ZNF565: variants seen among roughly 807,000 people sequenced by gnomAD.
The protein encoded by ZNF565 is zinc finger protein 565.
In ZNF565, 27 loss-of-function variants were observed where a neutral mutation model predicts 39.4. The ratio of observed to expected loss-of-function variants is 0.69; its 90% CI spans 0.51 to 0.95. The LOEUF is 0.95. ZNF565 is among the 40% of genes least tolerant of loss of function. The probability of loss-of-function intolerance (pLI) is 0.00; values close to 1 mark genes in which losing one functional copy is unlikely to be tolerated. For missense variants in ZNF565, 524 were observed against 621.1 expected, an observed-to-expected ratio of 0.84 and a Z score of 1.66; for synonymous variants, 185 against 216.6, an observed-to-expected ratio of 0.85 and a Z score of 1.28.
At chr19:36,193,441 CTTTT>C (rs918390781) in intron 4 of ZNF565, among the ~76,000 whole-genome samples, 2 of 131,838 alleles carry the variant, frequency 1.5e-5, no homozygotes, top group African/African-American at 2.8e-5. Context: ...TTTCTTTTTT[CTTTT>C]TTTTTTTTTT....
chr19:36,217,826 A>G (rs1289942450), upstream of ZNF565, among the ~76,000 whole-genome samples: 1 of 151,876 alleles, frequency 6.6e-6, no homozygotes, highest in African/African-American at 2.4e-5. Context: ...CGGAGGTTGC[A>G]GTGAACAGAG....
intron 1 of ZNF565, among the ~76,000 whole-genome samples, chr19:36,207,356 C>T (rs1976192380): frequency 6.6e-6 from 1 of 152,012 alleles, no homozygotes; most frequent in African/African-American, 2.4e-5. Flanking sequence ...CCAGCCTGGT[C>T]AACAGAAGCC....
In ZNF565 at chr19:36,183,151, G is replaced by C; in HGVS notation, c.815C>G (p.Thr272Ser). ...QHSQLILHQR[T>S]HTGEKPYVCK... The stretch of plus-strand genomic sequence containing the variant: ...TACGTAGGGTTTCTCGCCTGTGTGA[G>C]TTCTTTGATGCAGAATCAGCTGTGA... The change falls in exon 5 of 5, where the codon ACT (threonine) becomes AGT (serine). Residue 272 changes from threonine to serine, a missense_variant. Thr to Ser is a moderately conservative substitution (Grantham distance 58). Coordinates refer to ENST00000304116, the MANE Select transcript of ZNF565 (RefSeq NM_152477.5). 1 of 1,614,072 alleles carries C rather than the reference G, an allele frequency of 6.2e-7. No homozygotes were observed. Among genetic ancestry groups the C allele is most frequent in the Non-Finnish European group, 8.5e-7 (1 of 1,180,026 alleles).
At position 36,242,951 on chromosome 19, in the gene ZNF565, A is replaced by G. The variant is rs552637865; in HGVS notation, c.55+2525T>C. Reference sequence around the variant, plus strand: ...TTTCAAATAATTTTAGATTGCACCCAGTGCATTTTAAGTATTATTTTCTAA... The same window carrying G: ...TTTCAAATAATTTTAGATTGCACCCGGTGCATTTTAAGTATTATTTTCTAA... On this transcript the variant is annotated intron_variant, in intron 1 of 4. Coordinates refer to the ZNF565 transcript ENST00000355114. Among the ~76,000 whole-genome samples, 3 of 152,274 alleles carry G rather than the reference A, an allele frequency of 2.0e-5. No homozygotes were observed. In the South Asian group the frequency reaches 6.2e-4, roughly 32 times the overall value.
At chr19:36,190,439 G>A (rs1162363065) in intron 4 of ZNF565, among the ~76,000 whole-genome samples, 1 of 151,884 alleles carries the variant, frequency 6.6e-6, no homozygotes, top group Non-Finnish European at 1.5e-5. Context: ...AGCCGGGCGT[G>A]GTGGTGGGCG....
Position 36,220,366 on chromosome 19 carries a change from A to T in ZNF565, c.56-18316T>A, listed in dbSNP as rs1032158037. Reference sequence around the variant, plus strand: ...AGCTCCTAGTTCTTTTTTTTAATTTAATTTTATTTTATTTTTGAGACGGAG... The same window carrying T: ...AGCTCCTAGTTCTTTTTTTTAATTTTATTTTATTTTATTTTTGAGACGGAG... On this transcript the variant is annotated intron_variant, in intron 1 of 4. Transcript: ENST00000355114. Among the ~76,000 whole-genome samples the T allele has an allele frequency of 1.4e-4, 16 of 114,420 alleles. 1 individual carries two copies. Among genetic ancestry groups the T allele is most frequent in the African/African-American group, 3.7e-4 (14 of 37,910 alleles). The allele number at this position is 114,420 out of a possible 152,430, so 75.1% of individuals were successfully genotyped here.
chr19:36,191,096 C>CTT (rs903262734), intron 4 of ZNF565, among the ~76,000 whole-genome samples: 17 of 138,678 alleles, frequency 1.2e-4, no homozygotes, highest in African/African-American at 3.2e-4. Context: ...ACAGCATATT[C>CTT]TTTTTTTTTT....
chr19:36,185,857 G>A (rs1187420179), intron 4 of ZNF565, among the ~76,000 whole-genome samples: 1 of 148,366 alleles, frequency 6.7e-6, no homozygotes, highest in Non-Finnish European at 1.5e-5. Flanking sequence ...CCATGCCTGG[G>A]TAATTTTTGC....
chr19:36,203,173 A>T (rs1360562525), intron 1 of ZNF565, among the ~76,000 whole-genome samples: 2 of 151,950 alleles, frequency 1.3e-5, no homozygotes, highest in Non-Finnish European at 2.9e-5. Context: ...CGTCTCAACT[A>T]AAAGTACAAA....
At chr19:36,201,353 G>A (rs561558873) in intron 2 of ZNF565, among the ~76,000 whole-genome samples, 9 of 152,170 alleles carry the variant, frequency 5.9e-5, no homozygotes, top group African/African-American at 2.2e-4. Context: ...CCAAGACAAT[G>A]GAAAAGATGA....
At chr19:36,230,943 A>G (rs1000251289) in intron 1 of ZNF565, among the ~76,000 whole-genome samples, 1 of 152,188 alleles carries the variant, frequency 6.6e-6, no homozygotes, top group African/African-American at 2.4e-5. Context: ...CTGGGATTAC[A>G]GGCACCTGCC....
upstream of ZNF565, among the ~76,000 whole-genome samples, chr19:36,217,007 A>G (rs1976636667): frequency 6.7e-6 from 1 of 149,578 alleles, no homozygotes; most frequent in South Asian, 2.1e-4. Context: ...TGCAGTGAGC[A>G]GAGATCCTGG....
At chr19:36,214,024 A>C (rs991148506) in intron 1 of ZNF565, among the ~76,000 whole-genome samples, 1 of 151,598 alleles carries the variant, frequency 6.6e-6, no homozygotes, top group Non-Finnish European at 1.5e-5. Context: ...GACACACGCC[A>C]TCACTGGTAC....
At chr19:36,236,382 CT>C in intron 1 of ZNF565, 8 of 1,532,878 alleles carry the variant, frequency 5.2e-6, no homozygotes, top group Non-Finnish European at 7.0e-6. Flanking sequence ...TAAATCCTCA[CT>C]CATCAAGAAA....
At position 36,182,503 on chromosome 19, in the gene ZNF565, G is replaced by C. The variant is rs1599903952; in HGVS notation, c.1463C>G (p.Ser488Ter). ...AATTCTGTAGTGTTCAATGAGTTGT[G>C]AGCCAAGAATAAATGCCTGCCCACA... is the stretch of plus-strand genomic sequence containing the variant. Reference protein sequence around the residue: ...RECGQAFILGSQLIEHYRIHT... With the variant: ...RECGQAFILG Residue 488 changes from serine (S) to a stop codon, truncating the protein, a stop_gained, in exon 5 of 5, where the codon TCA (serine) becomes TGA (stop). Coordinates refer to ENST00000304116, the MANE Select transcript of ZNF565 (RefSeq NM_152477.5). LOFTEE classifies it high-confidence loss of function. 6.3e-7 allele frequency: 1 copy of C among 1,592,934 alleles called. No individual in the cohort carries two copies. The highest frequency in any genetic ancestry group is 2.2e-5 in the East Asian group (1 of 44,790).
At chr19:36,195,564 G>T (rs1207508078) in intron 2 of ZNF565, among the ~76,000 whole-genome samples, 2 of 143,460 alleles carry the variant, frequency 1.4e-5, no homozygotes, top group African/African-American at 5.2e-5. Context: ...TTTTTTTTGA[G>T]ACAGAGTTTT....
At chr19:36,197,740 G>C (rs1975817571) in intron 2 of ZNF565, among the ~76,000 whole-genome samples, 1 of 152,160 alleles carries the variant, frequency 6.6e-6, no homozygotes, top group South Asian at 2.1e-4. Context: ...ACTTTGTTGG[G>C]AATGTAAATC....
In ZNF565 at chr19:36,208,205, A is replaced by ATTTTTTT. The variant is rs11307687; in HGVS notation, c.-65-6162_-65-6156dup. ...AATGTGAATTATGAGTTACAGGACA[A>ATTTTTTT]TTTTTTTTTTTTTTTTTGGCAGGGC... On this transcript the variant is annotated intron_variant, in intron 1 of 4. Coordinates refer to ENST00000304116, the MANE Select transcript of ZNF565 (RefSeq NM_152477.5). 1.0e-3 allele frequency among the ~76,000 whole-genome samples: 136 copies of ATTTTTTT among 135,992 alleles called. 1 individual carries two copies. Among genetic ancestry groups the ATTTTTTT allele is most frequent in the African/African-American group, 3.6e-3 (130 of 36,382 alleles). 89.2% of individuals were successfully genotyped at this position (135,992 alleles called of 152,430 possible).
intron 1 of ZNF565, among the ~76,000 whole-genome samples, chr19:36,223,215 G>A (rs1429387561): frequency 6.6e-6 from 1 of 151,772 alleles, no homozygotes; most frequent in Non-Finnish European, 1.5e-5. Context: ...TCAGGAGTTT[G>A]AGACTAGCCC....
Sources: gnomAD v4.1 joint callset for allele counts (sites outside exome capture counted in the v4.1 genomes callset) on GRCh38, gnomAD v4.1.1 for gene constraint, MANE v1.5 for transcripts, NCBI Gene and HGNC (gene_info 2026-07-23, HGNC 2026-07-21) for gene names.